EPB41L1: variants seen among roughly 807,000 people sequenced by gnomAD.
EPB41L1 encodes band 4.1-like protein 1.
In EPB41L1, 29 loss-of-function variants were observed where a neutral mutation model predicts 97.8. The ratio of observed to expected loss-of-function variants is 0.30; its 90% CI spans 0.22 to 0.40. EPB41L1 has a LOEUF of 0.40. Among genes scored for constraint, EPB41L1 ranks in the 10% least tolerant of loss-of-function variants. EPB41L1 has a pLI of 1.00. For synonymous variants in EPB41L1, 383 were observed against 459.2 expected, an observed-to-expected ratio of 0.83 and a Z score of 2.12; for missense variants, 812 against 1,162.3, an observed-to-expected ratio of 0.70 and a Z score of 4.38.
intron 20 of EPB41L1, 58 bp from the exon 21 acceptor site, chr20:36,222,220 C>T (rs551797483): frequency 8.9e-5 from 130 of 1,459,216 alleles, no homozygotes; most frequent in Middle Eastern, 1.8e-4. Context: ...CTGTTCTTCA[C>T]AGTCTCTCTC....
At chr20:36,132,527 C>G (rs1835479615) in intron 2 of EPB41L1, among the ~76,000 whole-genome samples, 1 of 131,488 alleles carries the variant, frequency 7.6e-6, no homozygotes, top group Admixed American at 9.6e-5. Flanking sequence ...GTAACATATT[C>G]ACCTGATTCT....
At chr20:36,155,385 G>A (rs2060251136) in intron 1 of EPB41L1, 2 of 362,022 alleles carry the variant, frequency 5.5e-6, no homozygotes, top group Admixed American at 7.2e-5. Flanking sequence ...AAGTACCTCA[G>A]AGCTGCTAGG....
At chr20:36,117,280 A>G (rs2058615554) in intron 2 of EPB41L1, among the ~76,000 whole-genome samples, 1 of 152,160 alleles carries the variant, frequency 6.6e-6, no homozygotes, top group Non-Finnish European at 1.5e-5. Context: ...CTCAGGCCTC[A>G]GGAATGTTGC....
At chr20:36,147,415 G>A (rs1421847900) in intron 2 of EPB41L1, among the ~76,000 whole-genome samples, 1 of 152,230 alleles carries the variant, frequency 6.6e-6, no homozygotes, top group Non-Finnish European at 1.5e-5. Context: ...AAACCTGTGT[G>A]AAGCCCAATG....
At chr20:36,177,796 AG>A (rs1403928735) in intron 3 of EPB41L1, among the ~76,000 whole-genome samples, 155 bp from the exon 4 acceptor site, 6 of 152,112 alleles carry the variant, frequency 3.9e-5, no homozygotes, top group Non-Finnish European at 8.8e-5. Context: ...TAGGACTCAG[AG>A]GGCAGAGCCA....
Position 36,190,177 on chromosome 20 carries a change from CA to C in EPB41L1, c.1027-93del, listed in dbSNP as rs1372959098. The C allele has an allele frequency of 3.9e-6, 4 of 1,019,196 alleles. No homozygotes were observed. Among genetic ancestry groups the C allele is most frequent in the South Asian group, 1.4e-5 (1 of 72,706 alleles). The allele number at this position is 1,019,196 out of a possible 1,614,324, so 63.1% of individuals were successfully genotyped here. On this transcript the variant is annotated intron_variant, in intron 9 of 21. Coordinates refer to ENST00000338074, the MANE Select transcript of EPB41L1 (RefSeq NM_012156.2). This position sits in a 1 kb window ranked among gnomAD's most constrained non-coding sequence, Gnocchi z 5.8. The stretch of plus-strand genomic sequence containing the variant: ...GGCAAATGATCGAGACCCTGTGTCT[CA>C]AAAAAACATTAAACAAATAAAATAA...
intron 2 of EPB41L1, among the ~76,000 whole-genome samples, chr20:36,133,715 C>T (rs927667324): frequency 5.3e-5 from 8 of 151,976 alleles, no homozygotes; most frequent in African/African-American, 1.7e-4. Flanking sequence ...ATTACCTGGG[C>T]GTGGTGGCAT....
In EPB41L1 at chr20:36,209,531, C is replaced by T. The variant is rs372723927; in HGVS notation, c.1712C>T (p.Pro571Leu). ...REGSEEKVKP[P>L]RPRAPESDTG... ...GGCTCCGAGGAGAAAGTCAAACCAC[C>T]ACGTCCCCGGGCCCCAGAGAGTGAC... is the stretch of plus-strand genomic sequence containing the variant. Residue 571 changes from proline (P) to leucine (L), a missense_variant, in exon 15 of 22, where the codon CCA (proline) becomes CTA (leucine). Pro to Leu is a moderately conservative substitution (Grantham distance 98, BLOSUM62 -3). Transcript: ENST00000338074. The surrounding 1 kb of genome is among the most constrained non-coding windows in gnomAD (Gnocchi z 4.2). The T allele has an allele frequency of 1.9e-6, 3 of 1,613,996 alleles. No individual in the cohort carries two copies. Among genetic ancestry groups the T allele is most frequent in the Admixed American group, 3.3e-5 (2 of 59,998 alleles).
At position 36,178,047 on chromosome 20, in the gene EPB41L1, C is replaced by T; in HGVS notation, c.438C>T (p.Asp146=). 1.2e-6 allele frequency: 2 copies of T among 1,613,654 alleles called. No homozygotes were observed. Among genetic ancestry groups the T allele is most frequent in the East Asian group, 2.2e-5 (1 of 44,884 alleles). The change falls in exon 4 of 22, where the codon GAC becomes GAT. Residue 146 remains aspartate (D), a synonymous_variant. Transcript: ENST00000338074. ...DYFGLTFCDA[D]SQKNWLDPSK... ...TCGGCCTGACCTTCTGTGATGCTGA[C>T]AGCCAGAAGGTACCTGGGCTAGGGA... is the stretch of plus-strand genomic sequence containing the variant.
intron 1 of EPB41L1, among the ~76,000 whole-genome samples, chr20:36,170,861 C>T (rs759919634): frequency 3.3e-5 from 5 of 152,210 alleles, no homozygotes; most frequent in Non-Finnish European, 7.3e-5. Flanking sequence ...TCCAGCTCCT[C>T]TCCTCTGTCG....
chr20:36,225,096 A>G (rs2064034433), intron 21 of EPB41L1, among the ~76,000 whole-genome samples: 1 of 152,258 alleles, frequency 6.6e-6, no homozygotes, highest in Admixed American at 6.5e-5. Flanking sequence ...TGCTAGGATT[A>G]CAGGTGTGAG....
intron 1 of EPB41L1, among the ~76,000 whole-genome samples, chr20:36,107,369 C>A (rs538016248): frequency 7.2e-5 from 11 of 151,752 alleles, no homozygotes; most frequent in Middle Eastern, 3.4e-3. Context: ...TACAGATGCA[C>A]ACCACCATAC....
In EPB41L1 at chr20:36,175,582, A is replaced by C; in HGVS notation, c.209A>C (p.Glu70Ala). ...GACATGGAGGAGAAGGACTACAGTG[A>C]GGCCGATGGCCTTTCGGAGAGGACC... Reference protein sequence around the residue: ...SLDMEEKDYSEADGLSERTTP... With the variant: ...SLDMEEKDYSAADGLSERTTP... Residue 70 changes from glutamate (E) to alanine (A), a missense_variant, in exon 3 of 22, where the codon GAG (glutamate) becomes GCG (alanine). Physicochemically the swap from Glu to Ala is moderately radical, Grantham distance 107. This residue lies in a region of EPB41L1 where 84 missense variants were observed against 94.3 expected (regional missense o/e 0.89). Coordinates refer to ENST00000338074, the MANE Select transcript of EPB41L1 (RefSeq NM_012156.2). 1.2e-6 allele frequency: 2 copies of C among 1,614,216 alleles called. No homozygotes were observed. The highest frequency in any genetic ancestry group is 1.7e-6 in the Non-Finnish European group (2 of 1,180,032).
In EPB41L1 at chr20:36,097,923, G is replaced by A. The variant is rs1044770854; in HGVS notation, c.-65+6311G>A. ...AGTCCTGCAGACGGCAGGGAGCTGG[G>A]GAAGAGGAGTAAGCCAACCAGGAAG... On this transcript the variant is annotated intron_variant, in intron 1 of 19. Coordinates refer to the EPB41L1 transcript ENST00000202028. Among the ~76,000 whole-genome samples, 2 of 152,154 alleles carry A rather than the reference G, an allele frequency of 1.3e-5. 1 individual carries two copies. The highest frequency in any genetic ancestry group is 4.1e-4 in the South Asian group (2 of 4,824).
At chr20:36,128,501 A>AT (rs2059061706) in intron 2 of EPB41L1, among the ~76,000 whole-genome samples, 3 of 152,182 alleles carry the variant, frequency 2.0e-5, no homozygotes, top group Admixed American at 6.5e-5. Flanking sequence ...TCAAATGAGG[A>AT]TTTTTCAGAT....
intron 1 of EPB41L1, among the ~76,000 whole-genome samples, chr20:36,170,547 C>G (rs1418204490): frequency 1.3e-5 from 2 of 152,202 alleles, no homozygotes; most frequent in Non-Finnish European, 2.9e-5. Context: ...TCACTAGCCC[C>G]TGGCCATGGA....
chr20:36,156,690 G>A (rs2060315611), intron 1 of EPB41L1, among the ~76,000 whole-genome samples: 1 of 152,174 alleles, frequency 6.6e-6, no homozygotes, highest in African/African-American at 2.4e-5. Context: ...TGGCCTCCCA[G>A]CCCTTGCCCT....
At chr20:36,174,069 A>T in intron 2 of EPB41L1, 115 bp downstream of exon 2, 3 of 1,146,384 alleles carry the variant, frequency 2.6e-6, no homozygotes, top group South Asian at 2.7e-5. Flanking sequence ...AAGATTTATT[A>T]GTGACCTGTT....
chr20:36,191,670 G>C (rs73101492), intron 11 of EPB41L1, among the ~76,000 whole-genome samples: 1 of 152,142 alleles, frequency 6.6e-6, no homozygotes, highest in Non-Finnish European at 1.5e-5. Context: ...TTCAAATCTC[G>C]GCTTGACAGT....
Sources: gnomAD v4.1 joint callset for allele counts (sites outside exome capture counted in the v4.1 genomes callset) on GRCh38, gnomAD v4.1.1 for gene constraint, gnomAD v4.1.1 regional missense constraint, Gnocchi (gnomAD v3.1) non-coding constraint, MANE v1.5 for transcripts, NCBI Gene and HGNC (gene_info 2026-07-23, HGNC 2026-07-21) for gene names.